PHLDB2: variants seen among roughly 807,000 people sequenced by gnomAD.
PHLDB2 encodes the protein pleckstrin homology-like domain family B member 2.
A neutral mutation model predicts 123.6 loss-of-function variants in PHLDB2; 71 were observed. That is an observed-to-expected ratio of 0.57 (90% confidence interval 0.47 to 0.70). PHLDB2 has a LOEUF of 0.70. PHLDB2 is among the 30% of genes least tolerant of loss of function. PHLDB2 has a pLI of 0.00. For missense variants in PHLDB2, 1,446 were observed against 1,519.5 expected (o/e 0.95, Z 0.80); for synonymous variants, 547 against 541.6 (o/e 1.01, Z -0.14).
intron 1 of PHLDB2, among the ~76,000 whole-genome samples, chr3:111,766,873 A>G (rs1474714448): frequency 6.6e-6 from 1 of 151,958 alleles, no homozygotes; most frequent in Non-Finnish European, 1.5e-5. Context: ...TCTTTACTAA[A>G]AATACAAAAT....
intron 1 of PHLDB2, among the ~76,000 whole-genome samples, chr3:111,838,390 C>G (rs1426388555): frequency 6.6e-6 from 1 of 152,166 alleles, no homozygotes. Flanking sequence ...ATCCCTCTTT[C>G]CCTTTCCAAA....
At chr3:111,751,433 C>T (rs1035205289) in intron 1 of PHLDB2, among the ~76,000 whole-genome samples, 3 of 152,120 alleles carry the variant, frequency 2.0e-5, no homozygotes, top group Non-Finnish European at 4.4e-5. Flanking sequence ...TTTATAAAAC[C>T]TCTCCTTAGA....
intron 1 of PHLDB2, among the ~76,000 whole-genome samples, chr3:111,830,676 G>A (rs1241006445): frequency 6.8e-6 from 1 of 147,100 alleles, no homozygotes; most frequent in Non-Finnish European, 1.5e-5. Flanking sequence ...GGGCGTAGTG[G>A]CGGGCGCCTG....
At chr3:111,843,740 C>T (rs2063802059) in intron 1 of PHLDB2, among the ~76,000 whole-genome samples, 1 of 152,154 alleles carries the variant, frequency 6.6e-6, no homozygotes, top group Admixed American at 6.5e-5. Context: ...CTACAAATCC[C>T]TTATCAGATA....
At chr3:111,818,583 A>G (rs2062210859) in intron 1 of PHLDB2, among the ~76,000 whole-genome samples, 1 of 152,150 alleles carries the variant, frequency 6.6e-6, no homozygotes, top group African/African-American at 2.4e-5. Context: ...ACAATGCCAT[A>G]CACTGTCACA....
At chr3:111,787,661 C>T (rs1294802870) in intron 1 of PHLDB2, among the ~76,000 whole-genome samples, 3 of 152,202 alleles carry the variant, frequency 2.0e-5, no homozygotes, top group South Asian at 4.1e-4. Context: ...CTGCTTCTGA[C>T]CTGCCTTTTT....
chr3:111,878,682 G>A (rs1296715018), intron 1 of PHLDB2, among the ~76,000 whole-genome samples: 2 of 152,180 alleles, frequency 1.3e-5, no homozygotes, highest in African/African-American at 4.8e-5. Context: ...GATATTGGCT[G>A]TGGGTTTGTT....
chr3:111,871,890 A>T (rs1211101096), intron 1 of PHLDB2, among the ~76,000 whole-genome samples: 5 of 152,248 alleles, frequency 3.3e-5, no homozygotes, highest in African/African-American at 9.6e-5. Context: ...ACTTTTAAAA[A>T]TGATCCCTAA....
intron 1 of PHLDB2, among the ~76,000 whole-genome samples, chr3:111,872,408 C>G (rs2065389649): frequency 6.6e-6 from 1 of 152,150 alleles, no homozygotes; most frequent in Non-Finnish European, 1.5e-5. Context: ...ACAGACCTCC[C>G]TTCCCCACTT....
intron 10 of PHLDB2, among the ~76,000 whole-genome samples, chr3:111,951,024 A>G (rs896538255): frequency 4.6e-5 from 7 of 152,116 alleles, no homozygotes; most frequent in African/African-American, 1.7e-4. Flanking sequence ...CTGTGTTTTC[A>G]TTGGGGTTTC....
intron 1 of PHLDB2, among the ~76,000 whole-genome samples, chr3:111,749,102 TAA>T (rs34512449): frequency 7.0e-6 from 1 of 143,490 alleles, no homozygotes. Flanking sequence ...AAGAGAAGGC[TAA>T]AAAAAAAAAA....
At chr3:111,779,264 T>G (rs2060324483) in intron 1 of PHLDB2, among the ~76,000 whole-genome samples, 1 of 136,812 alleles carries the variant, frequency 7.3e-6, no homozygotes. Context: ...TTTTTCAACT[T>G]TTATTATAGA....
chr3:111,779,782 A>G (rs1007323847), intron 1 of PHLDB2: 9 of 867,364 alleles, frequency 1.0e-5, no homozygotes, highest in African/African-American at 1.8e-5. Flanking sequence ...GCAAAAATCT[A>G]TACTCTTAAG....
At chr3:111,951,861 G>C (rs1329652719) in intron 10 of PHLDB2, among the ~76,000 whole-genome samples, 1 of 152,116 alleles carries the variant, frequency 6.6e-6, no homozygotes, top group Admixed American at 6.5e-5. Context: ...CCCATCACTT[G>C]AACAGGAAAT....
intron 2 of PHLDB2, among the ~76,000 whole-genome samples, chr3:111,898,398 G>C (rs111850393): frequency 6.6e-6 from 1 of 151,968 alleles, no homozygotes; most frequent in Admixed American, 6.6e-5. Context: ...GGCCAGGCTC[G>C]TCTCGAACTC....
chr3:111,791,805 T>C (rs1268000143), intron 1 of PHLDB2, among the ~76,000 whole-genome samples: 3 of 152,238 alleles, frequency 2.0e-5, no homozygotes, highest in Non-Finnish European at 4.4e-5. Context: ...CAAAGATTTG[T>C]CATTTCTTTG....
chr3:111,871,546 G>A (rs533495474), intron 1 of PHLDB2, among the ~76,000 whole-genome samples: 20 of 152,018 alleles, frequency 1.3e-4, no homozygotes, highest in Non-Finnish European at 2.4e-4. Context: ...CCCAGCTACT[G>A]GAGATGCTGA....
At chr3:111,874,151 T>G (rs2065482123) in intron 1 of PHLDB2, among the ~76,000 whole-genome samples, 1 of 152,188 alleles carries the variant, frequency 6.6e-6, no homozygotes, top group African/African-American at 2.4e-5. Flanking sequence ...AGTGGCTTTA[T>G]GCTACTTTTG....
chr3:111,817,093 T>C (rs1189331568), intron 1 of PHLDB2, among the ~76,000 whole-genome samples: 1 of 152,160 alleles, frequency 6.6e-6, no homozygotes, highest in Non-Finnish European at 1.5e-5. Flanking sequence ...GAACTGTAAG[T>C]CCAATAAACC....
Sources: gnomAD v4.1 joint callset for allele counts (sites outside exome capture counted in the v4.1 genomes callset) on GRCh38, gnomAD v4.1.1 for gene constraint, MANE v1.5 for transcripts, NCBI Gene and HGNC (gene_info 2026-07-23, HGNC 2026-07-21) for gene names.